Variants in ARHGEF11 observed in about 807,000 individuals in gnomAD.
ARHGEF11 encodes the protein Rho guanine exchange factor (GEF) 11.
A neutral mutation model predicts 193.7 loss-of-function variants in ARHGEF11; 55 were observed. That is an observed-to-expected ratio of 0.28 (90% confidence interval 0.23 to 0.36). The LOEUF is 0.36. Among genes scored for constraint, ARHGEF11 ranks in the 10% least tolerant of loss-of-function variants. ARHGEF11 has a pLI of 1.00. For synonymous variants in ARHGEF11, 693 were observed against 768.0 expected (o/e 0.90, Z 1.62); for missense variants, 1,723 against 2,005.6 (o/e 0.86, Z 2.69).
chr1:156,978,140 T>C, intron 6 of ARHGEF11, 64 bp downstream of exon 6: 1 of 1,600,550 alleles, frequency 6.2e-7, no homozygotes, highest in Non-Finnish European at 8.5e-7. Flanking sequence ...CTTGCTTTCC[T>C]CCCCAATGCG....
chr1:156,971,161 A>G (rs1016983480), intron 8 of ARHGEF11, among the ~76,000 whole-genome samples: 1 of 152,220 alleles, frequency 6.6e-6, no homozygotes, highest in African/African-American at 2.4e-5. Context: ...CCTGAAGAGA[A>G]TAGATAAAGA....
chr1:157,016,703 T>C (rs1669278711), intron 1 of ARHGEF11, among the ~76,000 whole-genome samples: 1 of 152,226 alleles, frequency 6.6e-6, no homozygotes, highest in Non-Finnish European at 1.5e-5. Flanking sequence ...GAAGGGTATG[T>C]AGGAGTGTAG....
chr1:156,952,664 A>G (rs1373917339), intron 21 of ARHGEF11, among the ~76,000 whole-genome samples: 1 of 152,252 alleles, frequency 6.6e-6, no homozygotes, highest in Non-Finnish European at 1.5e-5. Context: ...GAAAACTTCT[A>G]AGTCAGAGAG....
Position 156,970,185 on chromosome 1 carries a change from T to A in ARHGEF11, c.703-142A>T. The stretch of plus-strand genomic sequence containing the variant: ...CTCAAAAATGCCCAGCTAGAAGAGA[T>A]ATTGCTTCATTTGTACAGTTTGAGG... On this transcript the variant is annotated intron_variant, in intron 8 of 40. Coordinates refer to ENST00000368194, the MANE Select transcript of ARHGEF11 (RefSeq NM_198236.3). The A allele has an allele frequency of 7.5e-6, 5 of 668,860 alleles. No homozygotes were observed. In the South Asian group the frequency reaches 9.1e-5, roughly 12 times the overall value. 41.4% of individuals were successfully genotyped at this position (668,860 alleles called of 1,614,324 possible).
intron 4 of ARHGEF11, among the ~76,000 whole-genome samples, chr1:156,979,882 G>A (rs1663876252): frequency 2.6e-5 from 4 of 152,116 alleles, no homozygotes; most frequent in Admixed American, 1.3e-4. Context: ...CTAACCATTT[G>A]CTTCACACAC....
intron 3 of ARHGEF11, among the ~76,000 whole-genome samples, chr1:156,980,777 C>T (rs1162470842): frequency 3.9e-5 from 5 of 129,550 alleles, no homozygotes; most frequent in African/African-American, 1.5e-4. Context: ...GGGAAGAGCA[C>T]GTGTGCTTCA....
At position 156,942,682 on chromosome 1, in the gene ARHGEF11, A is replaced by G. The variant is rs1397232020; in HGVS notation, c.3326+8T>C. On this transcript the variant is annotated splice_region_variant and intron_variant, in intron 33 of 40. Transcript: ENST00000368194. ...ACAGTTACGGGTAACCCCTCAATCAATTCTCACGTGTTCTTGTCTGATGAC... is the reference window on the plus strand; with the variant it reads ...ACAGTTACGGGTAACCCCTCAATCAGTTCTCACGTGTTCTTGTCTGATGAC... 3.7e-6 allele frequency: 6 copies of G among 1,613,182 alleles called. No homozygotes were observed. The East Asian group carries it at 8.9e-5, about 24-fold the overall frequency.
At chr1:156,937,976 G>A (rs937094814) in intron 38 of ARHGEF11, among the ~76,000 whole-genome samples, 7 of 152,216 alleles carry the variant, frequency 4.6e-5, no homozygotes, top group African/African-American at 7.2e-5. Flanking sequence ...AGAGAGAGCT[G>A]GAGGAAGGAC....
chr1:157,008,340 A>G (rs1452905497), intron 1 of ARHGEF11, among the ~76,000 whole-genome samples: 1 of 151,828 alleles, frequency 6.6e-6, no homozygotes, highest in Non-Finnish European at 1.5e-5. Flanking sequence ...CTAAGTCATG[A>G]GAGTAGGGCT....
intron 1 of ARHGEF11, among the ~76,000 whole-genome samples, chr1:156,988,159 A>C (rs1304433500): frequency 6.6e-6 from 1 of 152,104 alleles, no homozygotes; most frequent in Non-Finnish European, 1.5e-5. Context: ...CCTGCAGCTC[A>C]AATACCCAAC....
At position 156,946,272 on chromosome 1, in the gene ARHGEF11, A is replaced by G. The variant is rs1228929780; in HGVS notation, c.2695-110T>C. ...CATGACAAACAGGTCCTAACGCCAG[A>G]TGGATCACTCAGAAATGGCAGTGGA... On this transcript the variant is annotated intron_variant, in intron 28 of 40. Coordinates refer to ENST00000368194, the MANE Select transcript of ARHGEF11 (RefSeq NM_198236.3). 5 of 842,956 alleles carry G rather than the reference A, an allele frequency of 5.9e-6. No homozygotes were observed. The African/African-American group carries it at 8.4e-5, about 14-fold the overall frequency. 52.2% of individuals were successfully genotyped at this position (842,956 alleles called of 1,614,324 possible). A position where few individuals can be genotyped will look rare whatever the true frequency, so the allele number is the denominator to read the frequency against.
At position 156,936,920 on chromosome 1, in the gene ARHGEF11, G is replaced by T; in HGVS notation, c.4526C>A (p.Thr1509Lys). The T allele has an allele frequency of 6.2e-7, 1 of 1,614,170 alleles. No homozygotes were observed. The highest frequency in any genetic ancestry group is 8.5e-7 in the Non-Finnish European group (1 of 1,180,038). Residue 1509 changes from threonine (T) to lysine (K), a missense_variant, in exon 40 of 41, where the codon ACA (threonine) becomes AAA (lysine). By Grantham distance (78) the Thr-to-Lys change is moderately conservative (BLOSUM62 -1). Around this residue, in one of 5 missense-constraint regions of ARHGEF11, gnomAD observed 360 missense variants for 344.4 expected, o/e 1.05. Coordinates refer to ENST00000368194, the MANE Select transcript of ARHGEF11 (RefSeq NM_198236.3). Reference protein sequence around the residue: ...GGTTPVGSFHTEAARWTDGSL... With the variant: ...GGTTPVGSFHKEAARWTDGSL... The stretch of plus-strand genomic sequence containing the variant: ...GCCATCTGTCCATCTAGCTGCTTCT[G>T]TGTGGAAACTGCCCACAGGCGTGGT...
At chr1:157,032,403 T>C (rs1467832115) in intron 1 of ARHGEF11, among the ~76,000 whole-genome samples, 1 of 152,230 alleles carries the variant, frequency 6.6e-6, no homozygotes. Context: ...AAGCACAGAA[T>C]GCCAGTATTG....
chr1:157,046,154 A>G (rs4262535), upstream of ARHGEF11, among the ~76,000 whole-genome samples: 145,223 of 150,024 alleles, frequency 0.97, 70,446 homozygotes, highest in Middle Eastern at 1. Context: ...GCGGGTTCCC[A>G]TCTCAGCCGG....
At chr1:156,942,884 C>A in intron 32 of ARHGEF11, 104 bp from the exon 33 acceptor site, 2 of 909,716 alleles carry the variant, frequency 2.2e-6, no homozygotes, top group Non-Finnish European at 1.8e-6. Flanking sequence ...TGACCCTCAA[C>A]GCAGATGGAG....
At chr1:156,957,693 G>T in intron 18 of ARHGEF11, 99 bp downstream of exon 18, 1 of 1,311,874 alleles carries the variant, frequency 7.6e-7, no homozygotes, top group South Asian at 1.2e-5. Flanking sequence ...TGTACAACAT[G>T]AGGGACTCCC....
chr1:156,936,493 A>ATATATAT (rs1481502478), intron 40 of ARHGEF11, among the ~76,000 whole-genome samples: 60 of 62,362 alleles, frequency 9.6e-4, no homozygotes, highest in East Asian at 6.6e-3. Context: ...AAAAAAAAAA[A>ATATATAT]AAAAATATAT....
At chr1:157,000,258 C>T (rs771732403) in intron 1 of ARHGEF11, among the ~76,000 whole-genome samples, 14 of 152,276 alleles carry the variant, frequency 9.2e-5, no homozygotes, top group Non-Finnish European at 1.9e-4. Flanking sequence ...CCACCGTGCC[C>T]GGCCCTACAG....
chr1:157,035,046 A>G (rs1045758342), intron 1 of ARHGEF11, among the ~76,000 whole-genome samples: 5 of 152,352 alleles, frequency 3.3e-5, no homozygotes, highest in East Asian at 3.9e-4. Flanking sequence ...GACAGGGTAC[A>G]GTAATGAGAC....
Sources: gnomAD v4.1 joint callset for allele counts (sites outside exome capture counted in the v4.1 genomes callset) on GRCh38, gnomAD v4.1.1 for gene constraint, gnomAD v4.1.1 regional missense constraint, MANE v1.5 for transcripts, NCBI Gene and HGNC (gene_info 2026-07-23, HGNC 2026-07-21) for gene names.